Variants in RBM28 observed in about 807,000 individuals in gnomAD.
RBM28 encodes RNA binding motif protein 28.
RBM28 carries 78 observed loss-of-function variants against 98.3 expected under a neutral mutation model. The observed-to-expected ratio is 0.79, with a 90% confidence interval of 0.66 to 0.96. The LOEUF is 0.96. Among genes scored for constraint, RBM28 ranks in the 40% least tolerant of loss-of-function variants. RBM28 has a pLI of 0.00. For synonymous variants in RBM28, 306 were observed against 330.9 expected, an observed-to-expected ratio of 0.92 and a Z score of 0.82; for missense variants, 838 against 913.0, an observed-to-expected ratio of 0.92 and a Z score of 1.06.
Position 128,308,984 on chromosome 7 carries a change from A to AAAAAAAG in RBM28, c.*1812_*1813insCTTTTTT, listed in dbSNP as rs1056255504. 4.6e-5 allele frequency: 7 copies of AAAAAAAG among 151,840 alleles called. No homozygotes were observed. The highest frequency in any genetic ancestry group is 1.5e-4 in the African/African-American group (6 of 41,164). The allele number at this position is 151,840 out of a possible 1,614,324, so 9.4% of individuals were successfully genotyped here. On this transcript the variant is annotated 3_prime_UTR_variant, in exon 19 of 19. Transcript: ENST00000223073. ...AGAGCAAGACTGTCTCAAAAAAAAA[A>AAAAAAAG]AAAAAAAAGAAATAACCATATCTCT... is the stretch of plus-strand genomic sequence containing the variant.
At position 128,341,139 on chromosome 7, in the gene RBM28, T is replaced by C. The variant is rs750835067; in HGVS notation, c.119-1348A>G. On this transcript the variant is annotated intron_variant, in intron 1 of 18. Coordinates refer to ENST00000223073, the MANE Select transcript of RBM28 (RefSeq NM_018077.3). ...TTACCTGAAAAGGACACATAGTTCATATGCTCTGCTTCTCTTTCCACTGCA... is the reference window on the plus strand; with the variant it reads ...TTACCTGAAAAGGACACATAGTTCACATGCTCTGCTTCTCTTTCCACTGCA... 3.1e-5 allele frequency: 40 copies of C among 1,287,890 alleles called. 1 individual carries two copies. The South Asian group carries it at 3.8e-4, about 12-fold the overall frequency. 79.8% of individuals were successfully genotyped at this position (1,287,890 alleles called of 1,614,324 possible).
chr7:128,308,384 G>A lies in RBM28; in HGVS notation c.*2413C>T, dbSNP rs1795906724. 6.6e-6 allele frequency: 1 copy of A among 151,726 alleles called. No individual in the cohort carries two copies. Among genetic ancestry groups the A allele is most frequent in the African/African-American group, 2.4e-5 (1 of 41,402 alleles). The allele number at this position is 151,726 out of a possible 1,614,324, so 9.4% of individuals were successfully genotyped here. A position where few individuals can be genotyped will look rare whatever the true frequency, so the allele number is the denominator to read the frequency against. ...TTCGTGTACTAGGGAAAAAAGAGTG[G>A]TGAGCAGACGGAGAGATGGCCAAGG... On this transcript the variant is annotated 3_prime_UTR_variant, in exon 19 of 19. Coordinates refer to ENST00000223073, the MANE Select transcript of RBM28 (RefSeq NM_018077.3).
chr7:128,335,401 T>A, intron 8 of RBM28, 142 bp downstream of exon 8: 1 of 1,024,978 alleles, frequency 9.8e-7, no homozygotes, highest in Non-Finnish European at 1.4e-6. Context: ...TATAAAGGTT[T>A]CCTTTTCAGC....
Position 128,313,156 on chromosome 7 carries a change from T to G in RBM28, c.2145+19A>C. 6.2e-7 allele frequency: 1 copy of G among 1,604,432 alleles called. No homozygotes were observed. Among genetic ancestry groups the G allele is most frequent in the South Asian group, 1.1e-5 (1 of 90,882 alleles). On this transcript the variant is annotated intron_variant, in intron 18 of 18. Coordinates refer to ENST00000223073, the MANE Select transcript of RBM28 (RefSeq NM_018077.3). ...GCAGAACCATGCCATACCAAAGCTG[T>G]ATGTCCTGCAGAACTCACCTGCTCG...
rs1226444431 is a variant in RBM28 at position 128,298,655 on chromosome 7, G to T, written c.*12142C>A. ...ACTGCTCCTTCAGAGCCAAGCAAAG[G>T]ATCACTCATTTTCCCCTTAACTGAG... On this transcript the variant is annotated 3_prime_UTR_variant, in exon 19 of 19. Transcript: ENST00000223073. 1 of 152,072 alleles carries T rather than the reference G, an allele frequency of 6.6e-6. No individual in the cohort carries two copies. Among genetic ancestry groups the T allele is most frequent in the African/African-American group, 2.4e-5 (1 of 41,376 alleles). The allele number at this position is 152,072 out of a possible 1,614,324, so 9.4% of individuals were successfully genotyped here. A position where few individuals can be genotyped will look rare whatever the true frequency, so the allele number is the denominator to read the frequency against.
intron 16 of RBM28, 88 bp from the exon 17 acceptor site, chr7:128,315,108 A>G (rs947695653): frequency 1.9e-6 from 3 of 1,556,080 alleles, no homozygotes; most frequent in Non-Finnish European, 2.7e-6. Context: ...TATGTGAGCT[A>G]GATGAAAGAA....
At position 128,314,779 on chromosome 7, in the gene RBM28, C is replaced by T. The variant is rs1471081058; in HGVS notation, c.2030G>A (p.Arg677Gln). The part of the protein sequence containing the change: ...RRKVLALPSH[R>Q]GPKIRLRDKG... ...TGCATCTCACCTGATTTTGGGGCCT[C>T]GGTGTGAGGGGAGCGCCAGGACCTT... The change falls in exon 17 of 19, where the codon CGA (arginine) becomes CAA (glutamine). Residue 677 changes from arginine (R) to glutamine (Q), a missense_variant. By Grantham distance (43) the Arg-to-Gln change is conservative. Transcript: ENST00000223073. The T allele has an allele frequency of 1.9e-6, 3 of 1,614,082 alleles. No individual in the cohort carries two copies. Among genetic ancestry groups the T allele is most frequent in the African/African-American group, 1.3e-5 (1 of 74,934 alleles).
chr7:128,342,348 C>T (rs1250994546), intron 1 of RBM28, among the ~76,000 whole-genome samples: 6 of 152,204 alleles, frequency 3.9e-5, no homozygotes, highest in Admixed American at 2.6e-4. Context: ...TCTTTCAAAA[C>T]GAATGCCAGA....
At position 128,314,939 on chromosome 7, in the gene RBM28, C is replaced by T. The variant is rs1796074637; in HGVS notation, c.1870G>A (p.Ala624Thr). ...CTTTGTTCCTCTGTGTGGTGTTGAG[C>T]TGCCTTCTGTTGCTGGTCTTTTGCA... ...EPAKDQQQKAAQHHTEEQSKV... is the reference protein window; with the variant it reads ...EPAKDQQQKATQHHTEEQSKV... The change falls in exon 17 of 19, where the codon GCT becomes ACT. Residue 624 changes from alanine (A) to threonine (T), a missense_variant. Coordinates refer to ENST00000223073, the MANE Select transcript of RBM28 (RefSeq NM_018077.3). 3 of 1,614,206 alleles carry T rather than the reference C, an allele frequency of 1.9e-6. No homozygotes were observed. Among genetic ancestry groups the T allele is most frequent in the African/African-American group, 2.7e-5 (2 of 75,048 alleles).
In RBM28 at chr7:128,310,735, G is replaced by A. The variant is rs114730079; in HGVS notation, c.*62C>T. On this transcript the variant is annotated 3_prime_UTR_variant, in exon 19 of 19. Transcript: ENST00000223073. ...CAGTGAGAGACACGGGGGATGGGGA[G>A]GAGCCCAGGAGTGTCACCAGAAAGT... The A allele has an allele frequency of 6.3e-4, 1,008 of 1,599,834 alleles. 7 individuals are homozygous for A. In the African/African-American group the frequency reaches 0.011, roughly 18 times the overall value.
At position 128,330,948 on chromosome 7, in the gene RBM28, GA is replaced by G; in HGVS notation, c.1020-21del. 6.5e-7 allele frequency: 1 copy of G among 1,542,436 alleles called. No individual in the cohort carries two copies. Among genetic ancestry groups the G allele is most frequent in the Non-Finnish European group, 9.0e-7 (1 of 1,114,736 alleles). ...AGATTTCTATGGAAGATAACCAGAT[GA>G]TCACAAGAAAAGTCAATTACATAAG... is the stretch of plus-strand genomic sequence containing the variant. On this transcript the variant is annotated intron_variant, in intron 9 of 18. Transcript: ENST00000223073.
chr7:128,313,533 C>A (rs1422502498), intron 17 of RBM28, among the ~76,000 whole-genome samples: 1 of 152,142 alleles, frequency 6.6e-6, no homozygotes. Flanking sequence ...ACTCAGGAGG[C>A]TGAGGAAGGT....
At chr7:128,321,956 G>A (rs1796245168) in intron 13 of RBM28, among the ~76,000 whole-genome samples, 1 of 151,750 alleles carries the variant, frequency 6.6e-6, no homozygotes, top group Admixed American at 6.6e-5. Flanking sequence ...GCTGAAGCAG[G>A]AGAATCGCTT....
intron 10 of RBM28, among the ~76,000 whole-genome samples, chr7:128,327,311 G>C (rs1452589755): frequency 6.6e-6 from 1 of 152,052 alleles, no homozygotes; most frequent in Non-Finnish European, 1.5e-5. Flanking sequence ...CACTTGGGAG[G>C]CATCAGATAT....
chr7:128,339,710 G>A lies in RBM28; in HGVS notation c.200C>T (p.Thr67Ile), dbSNP rs1796680993. 3 of 1,613,690 alleles carry A rather than the reference G, an allele frequency of 1.9e-6. No homozygotes were observed. In the African/African-American group the frequency reaches 4.0e-5, roughly 22 times the overall value. ...CACGTTGATCTTGCAACCTTCAAAG[G>A]TGGTAATCTCCTTGAGGGCCCTCTG... ...DVQRALKEIT[T>I]FEGCKINVTV... Residue 67 changes from threonine to isoleucine, a missense_variant, in exon 2 of 19, where the codon ACC becomes ATC. Thr to Ile is a moderately conservative substitution (Grantham distance 89, BLOSUM62 -1). Transcript: ENST00000223073.
chr7:128,340,939 GC>G (rs1195815069), intron 1 of RBM28, among the ~76,000 whole-genome samples: 1 of 152,168 alleles, frequency 6.6e-6, no homozygotes, highest in East Asian at 1.9e-4. Flanking sequence ...CTCCTCACCA[GC>G]CCCCATGTTC....
rs1285265917 is a variant in RBM28 at position 128,306,883 on chromosome 7, T to C, written c.*3914A>G. 6.6e-6 allele frequency: 1 copy of C among 152,294 alleles called. No homozygotes were observed. 9.4% of individuals were successfully genotyped at this position (152,294 alleles called of 1,614,324 possible). On this transcript the variant is annotated 3_prime_UTR_variant, in exon 19 of 19. Transcript: ENST00000223073. The stretch of plus-strand genomic sequence containing the variant: ...CAGACTATACCAGTAGCTCACCCCA[T>C]GTCTGGTCACCAAGTAAGCCATCAC...
intron 1 of RBM28, 67 bp from the exon 2 acceptor site, chr7:128,339,858 A>G: frequency 6.6e-7 from 1 of 1,525,240 alleles, no homozygotes; most frequent in Non-Finnish European, 9.0e-7. Context: ...ATAAGCCAAG[A>G]GCACTAAATG....
In RBM28 at chr7:128,309,171, T is replaced by TA. The variant is rs999401820; in HGVS notation, c.*1625dup. On this transcript the variant is annotated 3_prime_UTR_variant, in exon 19 of 19. Coordinates refer to ENST00000223073, the MANE Select transcript of RBM28 (RefSeq NM_018077.3). ...ATTCAACAAATATTTATTCAATACTTACTACGTGCCTGGGTCAGTACTAGG... is the reference window on the plus strand; with the variant it reads ...ATTCAACAAATATTTATTCAATACTTAACTACGTGCCTGGGTCAGTACTAGG... 90 of 152,268 alleles carry TA rather than the reference T, an allele frequency of 5.9e-4. No homozygotes were observed. Among genetic ancestry groups the TA allele is most frequent in the African/African-American group, 2.1e-3 (88 of 41,548 alleles). The allele number at this position is 152,268 out of a possible 1,614,324, so 9.4% of individuals were successfully genotyped here. A position where few individuals can be genotyped will look rare whatever the true frequency, so the allele number is the denominator to read the frequency against.
Sources: gnomAD v4.1 joint callset for allele counts (sites outside exome capture counted in the v4.1 genomes callset) on GRCh38, gnomAD v4.1.1 for gene constraint, MANE v1.5 for transcripts, NCBI Gene and HGNC (gene_info 2026-07-23, HGNC 2026-07-21) for gene names.